Variants in VMP1 observed in about 807,000 individuals in gnomAD.
VMP1 encodes vacuole membrane protein 1.
VMP1 carries 11 observed loss-of-function variants against 56.0 expected under a neutral mutation model. The observed-to-expected ratio is 0.20, with a 90% CI of 0.12 to 0.32. The LOEUF (loss-of-function observed/expected upper bound fraction) is 0.32. Ranked by LOEUF, VMP1 falls within the 10% of genes least tolerant of loss-of-function variation. The probability of loss-of-function intolerance (pLI) is 1.00; values close to 1 mark genes in which losing one functional copy is unlikely to be tolerated. For missense variants in VMP1, 296 were observed against 490.3 expected (o/e 0.60, Z 3.74); for synonymous variants, 149 against 165.0 (o/e 0.90, Z 0.74).
At chr17:59,821,561 T>C (rs2038452883) in intron 10 of VMP1, among the ~76,000 whole-genome samples, 1 of 75,868 alleles carries the variant, frequency 1.3e-5, no homozygotes, top group South Asian at 3.5e-4. Flanking sequence ...TTTTTTTTTT[T>C]TGAGGCGGAG....
rs2039115757 is a variant in VMP1 at position 59,840,210 on chromosome 17, CAATTAGAG to C, written c.*304_*311del. ...TTACTTTCAAAAGGCCCACATGATACAATTAGAGAATTCCCACCGCACAAAAAAAGTTC... is the reference window on the plus strand; with the variant it reads ...TTACTTTCAAAAGGCCCACATGATACAATTCCCACCGCACAAAAAAAGTTC... On this transcript the variant is annotated 3_prime_UTR_variant, in exon 12 of 12. Transcript: ENST00000262291. 6.8e-6 allele frequency: 2 copies of C among 295,084 alleles called. No individual in the cohort carries two copies. Among genetic ancestry groups the C allele is most frequent in the South Asian group, 1.1e-4 (2 of 18,864 alleles). The allele number at this position is 295,084 out of a possible 1,614,324, so 18.3% of individuals were successfully genotyped here.
chr17:59,795,614 A>G (rs1363806919), intron 7 of VMP1, among the ~76,000 whole-genome samples: 1 of 151,778 alleles, frequency 6.6e-6, no homozygotes, highest in Non-Finnish European at 1.5e-5. Context: ...GTTCAAGACC[A>G]GCCTGGGCAA....
In VMP1 at chr17:59,839,763, T is replaced by C. The variant is rs1221465827; in HGVS notation, c.1078-5T>C. The C allele has an allele frequency of 1.2e-6, 2 of 1,606,896 alleles. No homozygotes were observed. Among genetic ancestry groups the C allele is most frequent in the Non-Finnish European group, 1.7e-6 (2 of 1,178,440 alleles). On this transcript the variant is annotated splice_polypyrimidine_tract_variant and splice_region_variant and intron_variant, in intron 11 of 11. Coordinates refer to ENST00000262291, the MANE Select transcript of VMP1 (RefSeq NM_030938.5). The stretch of plus-strand genomic sequence containing the variant: ...CATTGCATTGTTCTGCATTTATTTC[T>C]ACAGGGAGAAAACTGGTTGTCCTGG...
At chr17:59,817,648 T>A in intron 9 of VMP1, 64 bp from the exon 10 acceptor site, 3 of 1,240,378 alleles carry the variant, frequency 2.4e-6, no homozygotes, top group Non-Finnish European at 3.5e-6. Flanking sequence ...ATTACCAGAA[T>A]TGTGAATTTA....
chr17:59,816,538 G>A, intron 9 of VMP1, among the ~76,000 whole-genome samples: 1 of 152,246 alleles, frequency 6.6e-6, no homozygotes, highest in South Asian at 2.1e-4. Context: ...TGGGCACAGT[G>A]GCTGACGCCT....
intron 5 of VMP1, among the ~76,000 whole-genome samples, chr17:59,750,876 A>G (rs1344199009): frequency 6.8e-6 from 1 of 147,534 alleles, no homozygotes; most frequent in Admixed American, 6.7e-5. Context: ...TTGTATGTAG[A>G]TTAGGTGCAA....
chr17:59,822,362 T>C (rs1485628919), intron 10 of VMP1, among the ~76,000 whole-genome samples: 1 of 145,646 alleles, frequency 6.9e-6, no homozygotes. Context: ...AGAGTCTTGC[T>C]GTGTCGCCCA....
intron 1 of VMP1, among the ~76,000 whole-genome samples, chr17:59,716,030 A>T (rs1339362809): frequency 2.0e-5 from 3 of 152,044 alleles, no homozygotes; most frequent in African/African-American, 7.2e-5. Flanking sequence ...CTTATCAGAG[A>T]TTGTCATTTA....
chr17:59,739,782 A>T (rs1482950349), intron 5 of VMP1, among the ~76,000 whole-genome samples: 2 of 145,684 alleles, frequency 1.4e-5, no homozygotes, highest in Non-Finnish European at 3.0e-5. Flanking sequence ...ACTAGTGGAA[A>T]TAAGAGAGAA....
intron 7 of VMP1, among the ~76,000 whole-genome samples, chr17:59,785,629 G>A (rs1165413472): frequency 6.7e-6 from 1 of 150,042 alleles, no homozygotes; most frequent in Non-Finnish European, 1.5e-5. Context: ...GGCAGAGGTT[G>A]CAGTGAGCTG....
intron 5 of VMP1, among the ~76,000 whole-genome samples, chr17:59,756,217 A>T (rs566353789): frequency 1.4e-4 from 22 of 152,348 alleles, no homozygotes; most frequent in African/African-American, 5.3e-4. Flanking sequence ...AACAATGATT[A>T]AAAAAATTCT....
chr17:59,783,209 G>A (rs2036889788), intron 7 of VMP1, among the ~76,000 whole-genome samples: 1 of 152,018 alleles, frequency 6.6e-6, no homozygotes, highest in Non-Finnish European at 1.5e-5. Flanking sequence ...AAAACAAAAA[G>A]AAATTGTTGT....
In VMP1 at chr17:59,771,414, T is replaced by C. The variant is rs185287660; in HGVS notation, c.583-2340T>C. Among the ~76,000 whole-genome samples, 289 of 152,216 alleles carry C rather than the reference T, an allele frequency of 1.9e-3. 2 individuals carry two copies. Among genetic ancestry groups the C allele is most frequent in the African/African-American group, 6.6e-3 (275 of 41,548 alleles). Reference sequence around the variant, plus strand: ...TGCTGGGATTACAGGCATGAGCCACTGTACTGGGTCTGAAATAATACTTTG... The same window carrying C: ...TGCTGGGATTACAGGCATGAGCCACCGTACTGGGTCTGAAATAATACTTTG... On this transcript the variant is annotated intron_variant, in intron 6 of 11. Transcript: ENST00000262291.
intron 1 of VMP1, among the ~76,000 whole-genome samples, chr17:59,719,173 A>C (rs1273412069): frequency 1.3e-5 from 2 of 152,158 alleles, no homozygotes; most frequent in Admixed American, 1.3e-4. Flanking sequence ...ATCTACAGCT[A>C]TTTTGGAGTA....
At chr17:59,781,038 A>G (rs2036805415) in intron 7 of VMP1, among the ~76,000 whole-genome samples, 1 of 151,864 alleles carries the variant, frequency 6.6e-6, no homozygotes, top group African/African-American at 2.4e-5. Context: ...TTTAATTTTT[A>G]TTTGTTTATA....
At chr17:59,802,652 G>A (rs762058986) in intron 7 of VMP1, among the ~76,000 whole-genome samples, 6 of 152,078 alleles carry the variant, frequency 3.9e-5, no homozygotes, top group South Asian at 2.1e-4. Flanking sequence ...TGCAACCTCC[G>A]CCTCCCGGGT....
At chr17:59,729,360 G>T (rs2034730042) in intron 1 of VMP1, among the ~76,000 whole-genome samples, 1 of 151,442 alleles carries the variant, frequency 6.6e-6, no homozygotes, top group South Asian at 2.1e-4. Context: ...GCGGGCACCT[G>T]TAATCCCAGT....
intron 5 of VMP1, among the ~76,000 whole-genome samples, chr17:59,758,515 C>G (rs1364776659): frequency 6.6e-6 from 1 of 151,812 alleles, no homozygotes; most frequent in Non-Finnish European, 1.5e-5. Context: ...CAGACCCTGT[C>G]TCTACAAAAA....
At chr17:59,769,035 T>C (rs1181044835) in intron 6 of VMP1, among the ~76,000 whole-genome samples, 1 of 151,152 alleles carries the variant, frequency 6.6e-6, no homozygotes, top group Non-Finnish European at 1.5e-5. Flanking sequence ...GTGGGAGAAT[T>C]GCTTGAACCC....
Sources: gnomAD v4.1 joint callset for allele counts (sites outside exome capture counted in the v4.1 genomes callset) on GRCh38, gnomAD v4.1.1 for gene constraint, MANE v1.5 for transcripts, NCBI Gene and HGNC (gene_info 2026-07-23, HGNC 2026-07-21) for gene names.